The following CHAMP1 variants were observed in gnomAD, a reference collection of about 807,000 sequenced individuals.
CHAMP1 encodes the protein chromosome alignment maintaining phosphoprotein 1.
In CHAMP1, 4 loss-of-function variants were observed where a neutral mutation model predicts 54.5. The observed-to-expected ratio is 0.07, with a 90% CI of 0.04 to 0.17. CHAMP1 has a LOEUF of 0.17. Ranked by LOEUF, CHAMP1 falls within the 10% of genes least tolerant of loss-of-function variation. The pLI, the probability that CHAMP1 is intolerant of heterozygous loss-of-function variation, is 1.00. For synonymous variants in CHAMP1, 368 were observed against 342.2 expected (o/e 1.08, Z -0.83); for missense variants, 994 against 968.6 (o/e 1.03, Z -0.35).
intron 1 of CHAMP1, among the ~76,000 whole-genome samples, chr13:114,316,948 T>A (rs2087106763): frequency 6.6e-6 from 1 of 152,114 alleles, no homozygotes; most frequent in Non-Finnish European, 1.5e-5. Flanking sequence ...TAGGTGGGAA[T>A]TCTTGTACAT....
intron 1 of CHAMP1, among the ~76,000 whole-genome samples, chr13:114,317,205 A>G (rs2087109742): frequency 6.6e-6 from 1 of 152,060 alleles, no homozygotes; most frequent in Non-Finnish European, 1.5e-5. Context: ...TTTAGTAGAG[A>G]CAGGGTTTCA....
rs782505873 is a variant in CHAMP1, at chr13:114,324,248, A to C, written c.406A>C (p.Lys136Gln). The change falls in exon 3 of 3, where the codon AAA (lysine) becomes CAA (glutamine). Residue 136 changes from lysine (K) to glutamine (Q), a missense_variant. Physicochemically the swap from Lys to Gln is moderately conservative, Grantham distance 53. This residue lies in a region of CHAMP1 where 851 missense variants were observed against 701.3 expected (regional missense o/e 1.21). Coordinates refer to ENST00000361283, the MANE Select transcript of CHAMP1 (RefSeq NM_032436.4). ...SIPALSMETQKLGSVLSPESP... is the reference protein window; with the variant it reads ...SIPALSMETQQLGSVLSPESP... ...ACCTGCCCTTTCAATGGAAACACAG[A>C]AACTTGGTTCAGTTTTGTCTCCAGA... is the stretch of plus-strand genomic sequence containing the variant. The C allele has an allele frequency of 4.3e-6, 7 of 1,614,158 alleles. No individual in the cohort carries two copies. The highest frequency in any genetic ancestry group is 1.7e-5 in the Admixed American group (1 of 60,014).
chr13:114,317,321 G>C (rs528852067), intron 1 of CHAMP1, among the ~76,000 whole-genome samples: 1 of 147,476 alleles, frequency 6.8e-6, no homozygotes, highest in East Asian at 2.3e-4. Context: ...CACTGCGCCC[G>C]CCCAGTTTAT....
intron 1 of CHAMP1, among the ~76,000 whole-genome samples, chr13:114,319,380 C>G (rs957833483): frequency 8.5e-5 from 13 of 152,130 alleles, no homozygotes; most frequent in Non-Finnish European, 1.3e-4. Flanking sequence ...TTGAACAGAG[C>G]ACATACTGTG....
At position 114,325,364 on chromosome 13, in the gene CHAMP1, C is replaced by G. The variant is rs2087233577; in HGVS notation, c.1522C>G (p.Pro508Ala). 1 of 1,614,002 alleles carries G rather than the reference C, an allele frequency of 6.2e-7. No individual in the cohort carries two copies. The highest frequency in any genetic ancestry group is 1.3e-5 in the African/African-American group (1 of 74,892). ...AGGTCCTTCTGGGCCATCTGAGTCC[C>G]CCAAAGCAGCCTCAGATATCTGGAA... ...KPGPSGPSES[P>A]KAASDIWKPV... is the part of the protein sequence containing the mutation. The change falls in exon 3 of 3, where the codon CCC becomes GCC. Residue 508 changes from proline (P) to alanine (A), a missense_variant. By Grantham distance (27) the Pro-to-Ala change is conservative. This residue lies in a region of CHAMP1 where 851 missense variants were observed against 701.3 expected (regional missense o/e 1.21). Transcript: ENST00000361283.
intron 1 of CHAMP1, among the ~76,000 whole-genome samples, chr13:114,316,720 A>G (rs1319627429): frequency 1.3e-5 from 2 of 151,816 alleles, no homozygotes; most frequent in Non-Finnish European, 2.9e-5. Context: ...AGTATCCTTC[A>G]TTCGAAATGC....
chr13:114,315,520 C>T (rs2087086019), intron 1 of CHAMP1, among the ~76,000 whole-genome samples: 1 of 152,148 alleles, frequency 6.6e-6, no homozygotes. Context: ...GACCATTGTT[C>T]ATCTTTAGAA....
Position 114,324,551 on chromosome 13 carries a change from T to C in CHAMP1, c.709T>C (p.Leu237=), listed in dbSNP as rs199714471. ...PQKQSHFPET[L]GPPSASSPES... is the part of the protein sequence containing the mutation. ...GAAGCAGTCTCATTTCCCGGAAACA[T>C]TGGGGCCACCTTCAGCCTCATCTCC... Residue 237 remains leucine, a synonymous_variant, in exon 3 of 3, where the codon TTG becomes CTG. Transcript: ENST00000361283. 1.6e-4 allele frequency: 258 copies of C among 1,614,114 alleles called. No homozygotes were observed. In the East Asian group the frequency reaches 2.0e-3, roughly 12 times the overall value.
intron 2 of CHAMP1, among the ~76,000 whole-genome samples, chr13:114,321,852 G>T (rs997430974): frequency 6.6e-6 from 1 of 151,898 alleles, no homozygotes; most frequent in East Asian, 1.9e-4. Flanking sequence ...ATAACTGCTG[G>T]GCAACTCAGA....
Position 114,325,386 on chromosome 13 carries a change from G to C in CHAMP1, c.1544G>C (p.Trp515Ser), listed in dbSNP as rs863225075. ...TCCCCCAAAGCAGCCTCAGATATCT[G>C]GAAGCCTGTTCTCTCTATCGATACT... is the stretch of plus-strand genomic sequence containing the variant. ...SESPKAASDI[W>S]KPVLSIDTEP... The change falls in exon 3 of 3, where the codon TGG (tryptophan) becomes TCG (serine). Residue 515 changes from tryptophan to serine, a missense_variant. Coordinates refer to ENST00000361283, the MANE Select transcript of CHAMP1 (RefSeq NM_032436.4). 6.2e-7 allele frequency: 1 copy of C among 1,614,078 alleles called. No individual in the cohort carries two copies. Among genetic ancestry groups the C allele is most frequent in the East Asian group, 2.2e-5 (1 of 44,890 alleles).
Position 114,325,697 on chromosome 13 carries a change from C to T in CHAMP1, c.1855C>T (p.Leu619Phe). The T allele has an allele frequency of 6.2e-7, 1 of 1,613,732 alleles. No individual in the cohort carries two copies. The highest frequency in any genetic ancestry group is 8.5e-7 in the Non-Finnish European group (1 of 1,179,940). The change falls in exon 3 of 3, where the codon CTC becomes TTC. Residue 619 changes from leucine to phenylalanine, a missense_variant. Physicochemically the swap from Leu to Phe is conservative, Grantham distance 22 (BLOSUM62 0). Coordinates refer to ENST00000361283, the MANE Select transcript of CHAMP1 (RefSeq NM_032436.4). ...TACTTTATTTCCTTCCTCAAAGAAG[C>T]TCAAGAAAGACAACCAAGAGAGCTC... is the stretch of plus-strand genomic sequence containing the variant. Reference protein sequence around the residue: ...EDTLFPSSKKLKKDNQESSDA... With the variant: ...EDTLFPSSKKFKKDNQESSDA...
intron 1 of CHAMP1, among the ~76,000 whole-genome samples, chr13:114,316,902 C>A (rs1004961408): frequency 6.6e-6 from 1 of 152,098 alleles, no homozygotes; most frequent in Non-Finnish European, 1.5e-5. Context: ...ATTAGGGATG[C>A]TCAGCCTGTA....
At chr13:114,315,498 A>G (rs901009352) in intron 1 of CHAMP1, among the ~76,000 whole-genome samples, 2 of 152,270 alleles carry the variant, frequency 1.3e-5, no homozygotes, top group African/African-American at 2.4e-5. Context: ...TGGTATATAC[A>G]TATAATGAAT....
At position 114,325,159 on chromosome 13, in the gene CHAMP1, C is replaced by T. The variant is rs201826600; in HGVS notation, c.1317C>T (p.Leu439=). 43 of 1,614,208 alleles carry T rather than the reference C, an allele frequency of 2.7e-5. No individual in the cohort carries two copies. The East Asian group carries it at 5.6e-4, about 21-fold the overall frequency. ...GTAGTCCAGCAGGATCTCCAGAGCT[C>T]AGAAAACCCTCAGGGTCACCAGATC... ...EIRSPAGSPE[L]RKPSGSPDLW... The change falls in exon 3 of 3, where the codon CTC becomes CTT. Residue 439 remains leucine (L), a synonymous_variant. Coordinates refer to ENST00000361283, the MANE Select transcript of CHAMP1 (RefSeq NM_032436.4).
Position 114,326,572 on chromosome 13 carries a change from AT to A in CHAMP1, c.*292del, listed in dbSNP as rs1555380050. Reference sequence around the variant, plus strand: ...AAGGAAGTAGGCATTCCATTTAATAATCAAGAGCAAGTTGTACTCAAAGCAT... The same window carrying A: ...AAGGAAGTAGGCATTCCATTTAATAACAAGAGCAAGTTGTACTCAAAGCAT... On this transcript the variant is annotated 3_prime_UTR_variant, in exon 3 of 3. Transcript: ENST00000361283. 1 of 259,476 alleles carries A rather than the reference AT, an allele frequency of 3.9e-6. No individual in the cohort carries two copies. The highest frequency in any genetic ancestry group is 7.7e-6 in the Non-Finnish European group (1 of 129,674). The allele number at this position is 259,476 out of a possible 1,614,324, so 16.1% of individuals were successfully genotyped here.
At chr13:114,323,663 T>A in intron 2 of CHAMP1, 125 bp from the exon 3 acceptor site, 2 of 751,110 alleles carry the variant, frequency 2.7e-6, no homozygotes, top group Non-Finnish European at 4.1e-6. Flanking sequence ...AAATTCTCCC[T>A]AGAGATACTA....
rs1555379514 is a variant in CHAMP1, at chr13:114,324,558, C to T, written c.716C>T (p.Pro239Leu). The T allele has an allele frequency of 6.2e-7, 1 of 1,614,138 alleles. No homozygotes were observed. The highest frequency in any genetic ancestry group is 8.5e-7 in the Non-Finnish European group (1 of 1,180,020). The change falls in exon 3 of 3, where the codon CCA (proline) becomes CTA (leucine). Residue 239 changes from proline to leucine, a missense_variant. Pro to Leu is a moderately conservative substitution (Grantham distance 98). Coordinates refer to ENST00000361283, the MANE Select transcript of CHAMP1 (RefSeq NM_032436.4). Reference sequence around the variant, plus strand: ...TCTCATTTCCCGGAAACATTGGGGCCACCTTCAGCCTCATCTCCAGAGTCA... The same window carrying T: ...TCTCATTTCCCGGAAACATTGGGGCTACCTTCAGCCTCATCTCCAGAGTCA... Reference protein sequence around the residue: ...KQSHFPETLGPPSASSPESPV... With the variant: ...KQSHFPETLGLPSASSPESPV...
chr13:114,324,178 T>A lies in CHAMP1; in HGVS notation c.336T>A (p.Pro112=). 1 of 1,614,178 alleles carries A rather than the reference T, an allele frequency of 6.2e-7. No homozygotes were observed. The highest frequency in any genetic ancestry group is 1.6e-4 in the Middle Eastern group (1 of 6,062). ...ATCCTGTGAAAAGCCCTCCTCTTCC[T>A]GAACACCAGAAAATACCCTGCAATT... The part of the protein sequence containing the change: ...ETDPVKSPPL[P]EHQKIPCNSA... The change falls in exon 3 of 3, where the codon CCT becomes CCA. Residue 112 remains proline, a synonymous_variant. Transcript: ENST00000361283.
intron 1 of CHAMP1, among the ~76,000 whole-genome samples, chr13:114,317,279 C>CGGATTA (rs1224371420): frequency 1.3e-5 from 2 of 151,776 alleles, no homozygotes; most frequent in Non-Finnish European, 2.9e-5. Flanking sequence ...CCTGCCTTGG[C>CGGATTA]CTCCCAAAGT....
Sources: allele counts gnomAD v4.1 joint callset (sites outside exome capture counted in the v4.1 genomes callset), GRCh38; gene constraint gnomAD v4.1.1; regional missense constraint gnomAD v4.1.1; transcripts MANE v1.5; gene names NCBI Gene and HGNC (gene_info 2026-07-23, HGNC 2026-07-21).